Variants in SVOP observed in about 807,000 individuals in gnomAD.
SVOP encodes synaptic vesicle 2-related protein.
SVOP carries 17 observed loss-of-function variants against 69.1 expected under a neutral mutation model. The observed-to-expected ratio is 0.25, with a 90% CI of 0.17 to 0.37. SVOP has a LOEUF of 0.37. Among genes scored for constraint, SVOP ranks in the 10% least tolerant of loss-of-function variants. SVOP has a pLI of 1.00. For synonymous variants in SVOP, 238 were observed against 238.6 expected (o/e 1.00, Z 0.02); for missense variants, 435 against 597.5 (o/e 0.73, Z 2.84).
chr12:108,942,560 G>T (rs1845166586), intron 7 of SVOP, among the ~76,000 whole-genome samples: 1 of 152,208 alleles, frequency 6.6e-6, no homozygotes, highest in South Asian at 2.1e-4. Context: ...AGGAAAAAGA[G>T]ACTGAAGCAC....
intron 1 of SVOP, among the ~76,000 whole-genome samples, chr12:109,004,223 G>A (rs2040291215): frequency 6.6e-6 from 1 of 152,074 alleles, no homozygotes; most frequent in African/African-American, 2.4e-5. Context: ...GCCATTTGTT[G>A]TATATGTATA....
intron 7 of SVOP, among the ~76,000 whole-genome samples, chr12:108,944,008 A>G (rs1202893094): frequency 6.6e-6 from 1 of 151,730 alleles, no homozygotes; most frequent in Non-Finnish European, 1.5e-5. Context: ...CAGCCTCCCA[A>G]CTAGCTGGTA....
intron 1 of SVOP, among the ~76,000 whole-genome samples, chr12:109,004,438 G>A (rs1040340176): frequency 1.6e-5 from 2 of 126,414 alleles, no homozygotes; most frequent in African/African-American, 2.6e-5. Flanking sequence ...TTGAGACAGG[G>A]TCTTACTCTG....
At chr12:108,914,117 C>T (rs529520353) in intron 15 of SVOP, among the ~76,000 whole-genome samples, 4 of 152,358 alleles carry the variant, frequency 2.6e-5, no homozygotes, top group African/African-American at 9.6e-5. Context: ...TGGCTAAACA[C>T]GTCTTTAAAT....
chr12:108,916,828 G>C (rs975679846), intron 14 of SVOP, among the ~76,000 whole-genome samples: 1 of 152,020 alleles, frequency 6.6e-6, no homozygotes, highest in African/African-American at 2.4e-5. Flanking sequence ...CTGCAGCCTC[G>C]ACCTCCCCGG....
chr12:108,942,385 C>T (rs1204610526), intron 7 of SVOP, among the ~76,000 whole-genome samples: 1 of 152,202 alleles, frequency 6.6e-6, no homozygotes, highest in Non-Finnish European at 1.5e-5. Flanking sequence ...AATTCCTCAT[C>T]AGAATTGCCA....
intron 1 of SVOP, among the ~76,000 whole-genome samples, chr12:109,020,167 T>C (rs1164788272): frequency 6.6e-6 from 1 of 152,164 alleles, no homozygotes; most frequent in African/African-American, 2.4e-5. Flanking sequence ...AGAGCAAATT[T>C]GGTTTTTCTT....
At position 108,996,953 on chromosome 12, in the gene SVOP, A is replaced by G. The variant is rs137971276; in HGVS notation, c.36-13192T>C. ...TCTCAAGATAAATAAATAGAGGAGG[A>G]GGAGCCAAGATGGCCGAATAGGAAC... is the stretch of plus-strand genomic sequence containing the variant. On this transcript the variant is annotated intron_variant, in intron 1 of 15. Transcript: ENST00000610966. 2.0e-3 allele frequency among the ~76,000 whole-genome samples: 301 copies of G among 152,276 alleles called. 2 individuals are homozygous for G. In the East Asian group the frequency reaches 0.041, roughly 21 times the overall value.
At chr12:108,997,443 C>G (rs1399763904) in intron 1 of SVOP, among the ~76,000 whole-genome samples, 1 of 151,282 alleles carries the variant, frequency 6.6e-6, no homozygotes, top group East Asian at 1.9e-4. Context: ...GAAGCTCGAA[C>G]TGGGTGGAGC....
At chr12:108,961,212 G>A (rs1223405081) in intron 5 of SVOP, among the ~76,000 whole-genome samples, 165 bp from the exon 6 acceptor site, 1 of 152,104 alleles carries the variant, frequency 6.6e-6, no homozygotes, top group Non-Finnish European at 1.5e-5. Context: ...ACAGGGGTTG[G>A]GTGAGAAAAT....
At chr12:108,917,040 C>G (rs1488315624) in intron 14 of SVOP, among the ~76,000 whole-genome samples, 1 of 152,232 alleles carries the variant, frequency 6.6e-6, no homozygotes, top group Non-Finnish European at 1.5e-5. Flanking sequence ...AACCACTGTG[C>G]CTGGCCTGGG....
intron 1 of SVOP, among the ~76,000 whole-genome samples, chr12:109,010,145 T>G (rs1362480407): frequency 2.7e-5 from 4 of 150,748 alleles, no homozygotes; most frequent in African/African-American, 9.8e-5. Flanking sequence ...AAAAAAAAAT[T>G]TTTTTTTAAT....
At chr12:109,009,597 T>C (rs2135629768) in intron 1 of SVOP, among the ~76,000 whole-genome samples, 1 of 152,140 alleles carries the variant, frequency 6.6e-6, no homozygotes, top group East Asian at 1.9e-4. Flanking sequence ...ATTTTTTTAG[T>C]AGAGATGGGG....
chr12:108,959,162 C>A (rs752175519), intron 6 of SVOP, among the ~76,000 whole-genome samples: 1 of 152,024 alleles, frequency 6.6e-6, no homozygotes, highest in Non-Finnish European at 1.5e-5. Context: ...GGTCCTCTTG[C>A]AAAATTTTCC....
intron 1 of SVOP, among the ~76,000 whole-genome samples, chr12:109,019,446 A>T (rs1229494195): frequency 6.6e-6 from 1 of 152,182 alleles, no homozygotes; most frequent in African/African-American, 2.4e-5. Flanking sequence ...GGAAAACCAC[A>T]GTTCCAATAT....
At chr12:108,916,246 G>A (rs966541103) in intron 14 of SVOP, among the ~76,000 whole-genome samples, 1 of 152,242 alleles carries the variant, frequency 6.6e-6, no homozygotes, top group African/African-American at 2.4e-5. Context: ...CATAAAGAGA[G>A]AGATGGAAAT....
chr12:108,999,981 A>G (rs1258892210), intron 1 of SVOP, among the ~76,000 whole-genome samples: 1 of 150,876 alleles, frequency 6.6e-6, no homozygotes, highest in African/African-American at 2.4e-5. Flanking sequence ...ACTGAAGGAA[A>G]TAGAGACACA....
chr12:108,943,459 C>T (rs550200260), intron 7 of SVOP, among the ~76,000 whole-genome samples: 149 of 151,910 alleles, frequency 9.8e-4, no homozygotes, highest in Non-Finnish European at 1.4e-3. Context: ...ATTAGCCAGG[C>T]GTGGTGGTGG....
chr12:108,916,479 T>C (rs752046459), intron 14 of SVOP, among the ~76,000 whole-genome samples: 27 of 152,270 alleles, frequency 1.8e-4, no homozygotes, highest in Non-Finnish European at 3.1e-4. Context: ...TTCTTTGTCA[T>C]GGGGGTGGGG....
Sources: gnomAD v4.1 joint callset for allele counts (sites outside exome capture counted in the v4.1 genomes callset) on GRCh38, gnomAD v4.1.1 for gene constraint, MANE v1.5 for transcripts, NCBI Gene and HGNC (gene_info 2026-07-23, HGNC 2026-07-21) for gene names.